Variants in EDIL3 observed in about 807,000 individuals in gnomAD.
The protein encoded by EDIL3 is EGF-like repeat and discoidin I-like domain-containing protein 3.
A neutral mutation model predicts 67.4 loss-of-function variants in EDIL3; 37 were observed. The observed-to-expected ratio is 0.55, with a 90% CI of 0.42 to 0.72. EDIL3 has a LOEUF of 0.72. Among genes scored for constraint, EDIL3 ranks in the 30% least tolerant of loss-of-function variants. The pLI, the probability that EDIL3 is intolerant of heterozygous loss-of-function variation, is 0.00. For missense variants in EDIL3, 527 were observed against 586.3 expected (o/e 0.90, Z 1.04); for synonymous variants, 195 against 196.3 (o/e 0.99, Z 0.05).
At chr5:84,353,871 T>A (rs1338063194) in intron 1 of EDIL3, among the ~76,000 whole-genome samples, 1 of 152,214 alleles carries the variant, frequency 6.6e-6, no homozygotes, top group Non-Finnish European at 1.5e-5. Flanking sequence ...ATTTACTATA[T>A]CTGATCATTG....
chr5:84,285,948 G>A (rs144731676), intron 1 of EDIL3, among the ~76,000 whole-genome samples: 2,024 of 152,262 alleles, frequency 0.013, 52 homozygotes, highest in African/African-American at 0.047. Context: ...TATATTATAC[G>A]TGTAGTTCCT....
chr5:84,373,867 A>T (rs1269101079), intron 1 of EDIL3, among the ~76,000 whole-genome samples: 2 of 152,202 alleles, frequency 1.3e-5, no homozygotes, highest in Non-Finnish European at 2.9e-5. Context: ...ATGTGATGCG[A>T]AAATCTAATA....
chr5:84,022,354 T>C (rs1328583230), intron 9 of EDIL3, among the ~76,000 whole-genome samples: 2 of 151,894 alleles, frequency 1.3e-5, no homozygotes, highest in Non-Finnish European at 2.9e-5. Context: ...AAGTATTTGA[T>C]AAAATTTCAT....
intron 6 of EDIL3, among the ~76,000 whole-genome samples, chr5:84,101,644 C>T (rs1747367354): frequency 2.0e-5 from 3 of 151,882 alleles, no homozygotes; most frequent in African/African-American, 7.2e-5. Context: ...AATGAGTAGA[C>T]AAATAAGAAT....
rs575464056 is a variant in EDIL3, at chr5:84,270,793, C to T, written c.68-16581G>A. On this transcript the variant is annotated intron_variant, in intron 1 of 10. Transcript: ENST00000296591. ...CTTACAACTTTAATTTCTTATTCTC[C>T]GACCTAGAGCCTGACAGAAAGAGTG... 7.2e-5 allele frequency among the ~76,000 whole-genome samples: 11 copies of T among 152,190 alleles called. No homozygotes were observed. In the East Asian group the frequency reaches 1.9e-3, roughly 27 times the overall value.
intron 3 of EDIL3, among the ~76,000 whole-genome samples, chr5:84,223,074 T>G (rs1158726284): frequency 1.3e-5 from 2 of 151,758 alleles, no homozygotes; most frequent in African/African-American, 4.8e-5. Context: ...TCCTCTACAT[T>G]TTTTTCTTCT....
At chr5:84,272,015 C>G (rs1012224246) in intron 1 of EDIL3, among the ~76,000 whole-genome samples, 1 of 151,996 alleles carries the variant, frequency 6.6e-6, no homozygotes, top group Non-Finnish European at 1.5e-5. Flanking sequence ...AAATCTGGAA[C>G]TACTGACAAT....
intron 9 of EDIL3, among the ~76,000 whole-genome samples, chr5:83,973,312 CATA>C (rs1346482260): frequency 6.6e-6 from 1 of 151,970 alleles, no homozygotes; most frequent in Non-Finnish European, 1.5e-5. Context: ...GATCAAAGAG[CATA>C]ATGATATCCA....
At position 83,943,216 on chromosome 5, in the gene EDIL3, C is replaced by T. The variant is rs1295340699; in HGVS notation, c.*203G>A. On this transcript the variant is annotated 3_prime_UTR_variant, in exon 11 of 11. Coordinates refer to ENST00000296591, the MANE Select transcript of EDIL3 (RefSeq NM_005711.5). ...ATGTGTTGTTACTTAAGAGATTTGA[C>T]GGATAAAATAAAATCAAATTAAATC... 22 of 576,474 alleles carry T rather than the reference C, an allele frequency of 3.8e-5. No homozygotes were observed. Among genetic ancestry groups the T allele is most frequent in the South Asian group, 2.6e-4 (12 of 45,292 alleles). 35.7% of individuals were successfully genotyped at this position (576,474 alleles called of 1,614,324 possible).
At chr5:84,012,073 A>G (rs756650611) in intron 9 of EDIL3, among the ~76,000 whole-genome samples, 5 of 152,176 alleles carry the variant, frequency 3.3e-5, no homozygotes, top group African/African-American at 4.8e-5. Context: ...GTGCTCAATA[A>G]ATGTTTGTTG....
chr5:84,040,166 C>G (rs1190083037), intron 9 of EDIL3, among the ~76,000 whole-genome samples: 1 of 152,158 alleles, frequency 6.6e-6, no homozygotes, highest in Non-Finnish European at 1.5e-5. Flanking sequence ...GTTTAACACT[C>G]TAACCACTTC....
intron 9 of EDIL3, among the ~76,000 whole-genome samples, chr5:84,011,210 G>A (rs577291393): frequency 6.6e-6 from 1 of 152,128 alleles, no homozygotes; most frequent in South Asian, 2.1e-4. Context: ...ACTGTCCACT[G>A]CAAACCCACA....
chr5:84,078,652 C>T (rs991770768), intron 6 of EDIL3: 1 of 152,092 alleles, frequency 6.6e-6, no homozygotes, highest in Non-Finnish European at 1.5e-5. Context: ...AATAATGTGC[C>T]TTGAAATAGG....
At chr5:84,039,056 C>T (rs745471877) in intron 9 of EDIL3, among the ~76,000 whole-genome samples, 17 of 151,320 alleles carry the variant, frequency 1.1e-4, no homozygotes, top group Non-Finnish European at 2.1e-4. Flanking sequence ...CCCAATTTCA[C>T]ATAGGTAGTA....
intron 3 of EDIL3, among the ~76,000 whole-genome samples, chr5:84,207,949 A>T (rs527656403): frequency 6.6e-4 from 101 of 152,328 alleles, no homozygotes; most frequent in Admixed American, 2.9e-3. Flanking sequence ...AAACCCGAGA[A>T]GAAAACCTAG....
intron 3 of EDIL3, among the ~76,000 whole-genome samples, chr5:84,183,934 C>G (rs1391676013): frequency 1.3e-5 from 2 of 152,126 alleles, no homozygotes; most frequent in Non-Finnish European, 2.9e-5. Context: ...TGGTGAAACC[C>G]CGTCTCTACT....
intron 1 of EDIL3, among the ~76,000 whole-genome samples, chr5:84,351,546 T>A (rs1747362002): frequency 6.6e-6 from 1 of 152,140 alleles, no homozygotes; most frequent in Non-Finnish European, 1.5e-5. Context: ...CTCATTTTCC[T>A]CATCTATCAA....
chr5:84,117,162 G>A (rs560595825), intron 5 of EDIL3, among the ~76,000 whole-genome samples: 221 of 151,080 alleles, frequency 1.5e-3, no homozygotes, highest in African/African-American at 5.2e-3. Flanking sequence ...TGAGTAGCTG[G>A]GACTACAGGC....
chr5:84,065,694 T>G (rs571354521), intron 7 of EDIL3, among the ~76,000 whole-genome samples: 1 of 152,300 alleles, frequency 6.6e-6, no homozygotes, highest in Non-Finnish European at 1.5e-5. Context: ...TAAAATATTT[T>G]ATTTTGCTAA....
Sources: allele counts gnomAD v4.1 joint callset (sites outside exome capture counted in the v4.1 genomes callset), GRCh38; gene constraint gnomAD v4.1.1; transcripts MANE v1.5; gene names NCBI Gene and HGNC (gene_info 2026-07-23, HGNC 2026-07-21).